TAF1B: variants seen among roughly 807,000 people sequenced by gnomAD.
The protein encoded by TAF1B is TATA box-binding protein-associated factor RNA polymerase I subunit B.
TAF1B carries 61 observed loss-of-function variants against 83.9 expected under a neutral mutation model. The ratio of observed to expected loss-of-function variants is 0.73; its 90% CI spans 0.59 to 0.90. TAF1B has a LOEUF of 0.90. TAF1B is among the 40% of genes least tolerant of loss of function. The pLI is 0.00. For missense variants in TAF1B, 625 were observed against 677.0 expected (o/e 0.92, Z 0.85); for synonymous variants, 221 against 224.6 (o/e 0.98, Z 0.14).
In TAF1B at chr2:9,873,010, G is replaced by A. The variant is rs185449419; in HGVS notation, c.554-2855G>A. Among the ~76,000 whole-genome samples the A allele has an allele frequency of 3.9e-5, 6 of 152,252 alleles. No individual in the cohort carries two copies. In the East Asian group the frequency reaches 1.2e-3, roughly 29 times the overall value. ...TTACTTAATTAAACTTCTATTCCTG[G>A]CATTTAGGTTGTTCTAAATTTTTAT... On this transcript the variant is annotated intron_variant, in intron 6 of 14. Coordinates refer to ENST00000263663, the MANE Select transcript of TAF1B (RefSeq NM_005680.3).
At chr2:9,903,755 G>T (rs933120543) in intron 8 of TAF1B, among the ~76,000 whole-genome samples, 1 of 152,132 alleles carries the variant, frequency 6.6e-6, no homozygotes, top group African/African-American at 2.4e-5. Flanking sequence ...AAGGTGAGAG[G>T]GAGGTTGTGT....
intron 5 of TAF1B, among the ~76,000 whole-genome samples, chr2:9,856,750 A>G (rs768288481): frequency 1.3e-5 from 2 of 152,244 alleles, no homozygotes; most frequent in Admixed American, 6.5e-5. Context: ...GTGTAAAGCA[A>G]TATTAGCATC....
At chr2:9,853,873 C>T (rs569946322) in intron 4 of TAF1B, among the ~76,000 whole-genome samples, 8 of 152,234 alleles carry the variant, frequency 5.3e-5, no homozygotes, top group Admixed American at 2.0e-4. Context: ...GTACTCTGAT[C>T]CTTAATTTAC....
intron 5 of TAF1B, among the ~76,000 whole-genome samples, chr2:9,855,154 C>G (rs897416499): frequency 6.6e-6 from 1 of 152,182 alleles, no homozygotes; most frequent in Admixed American, 6.5e-5. Context: ...GCCACCACAC[C>G]TGGTTCATTT....
intron 9 of TAF1B, among the ~76,000 whole-genome samples, chr2:9,908,025 A>ATACTTTTTTTTTTT (rs1553291402): frequency 9.9e-6 from 1 of 100,934 alleles, no homozygotes; most frequent in African/African-American, 4.7e-5. Context: ...CAAGATCTTA[A>ATACTTTTTTTTTTT]TTCTTTTTTT....
intron 14 of TAF1B, among the ~76,000 whole-genome samples, chr2:9,926,403 A>G (rs558066819): frequency 1.3e-5 from 2 of 152,196 alleles, no homozygotes; most frequent in African/African-American, 4.8e-5. Context: ...TCTTCTTACA[A>G]TGTACTTACT....
rs185380105 is a variant in TAF1B, at chr2:9,929,660, C to T, written c.1566-4123C>T. Among the ~76,000 whole-genome samples the T allele has an allele frequency of 2.6e-5, 4 of 152,138 alleles. No individual in the cohort carries two copies. The East Asian group carries it at 5.8e-4, about 22-fold the overall frequency. On this transcript the variant is annotated intron_variant, in intron 14 of 14. Coordinates refer to ENST00000263663, the MANE Select transcript of TAF1B (RefSeq NM_005680.3). ...CTAAAATTCTCTTTTTTTGTTGTGT[C>T]TCTGCCAGGCTTTGGTATCAGGATG...
chr2:9,869,647 G>A (rs1032003442), intron 6 of TAF1B, among the ~76,000 whole-genome samples: 2 of 151,318 alleles, frequency 1.3e-5, no homozygotes, highest in South Asian at 2.1e-4. Context: ...AGGCTGAGGC[G>A]AGCAGATCAC....
chr2:9,861,796 G>A (rs576857601), intron 5 of TAF1B, among the ~76,000 whole-genome samples: 4 of 152,284 alleles, frequency 2.6e-5, no homozygotes, highest in Admixed American at 6.5e-5. Flanking sequence ...ACCAATATCC[G>A]CTGTTCTGCA....
intron 6 of TAF1B, among the ~76,000 whole-genome samples, chr2:9,874,118 G>A (rs1485825566): frequency 1.3e-5 from 2 of 152,142 alleles, no homozygotes; most frequent in African/African-American, 4.8e-5. Flanking sequence ...GAGGTTGAAT[G>A]GACTCATCGT....
chr2:9,893,452 G>A (rs1664929850), intron 8 of TAF1B, among the ~76,000 whole-genome samples: 1 of 152,202 alleles, frequency 6.6e-6, no homozygotes, highest in South Asian at 2.1e-4. Flanking sequence ...TAATGGTACA[G>A]TAAACCACTA....
intron 14 of TAF1B, among the ~76,000 whole-genome samples, chr2:9,926,050 C>A (rs10803707): frequency 0.51 from 77,489 of 150,990 alleles, 22,832 homozygotes; most frequent in Non-Finnish European, 0.68. Flanking sequence ...TATAAAGAAC[C>A]CCCCGTCTCT....
At chr2:9,913,329 C>G in intron 12 of TAF1B, 80 bp downstream of exon 12, 1 of 1,146,410 alleles carries the variant, frequency 8.7e-7, no homozygotes, top group South Asian at 1.3e-5. Flanking sequence ...GAAGCTTCAT[C>G]AGTATACACT....
At chr2:9,849,866 G>C (rs1233144934) in intron 3 of TAF1B, among the ~76,000 whole-genome samples, 2 of 152,132 alleles carry the variant, frequency 1.3e-5, no homozygotes, top group African/African-American at 4.8e-5. Flanking sequence ...ATTAACCATT[G>C]TTGAGAAGGA....
upstream of TAF1B, chr2:9,843,453 C>G (rs62621835): frequency 0.067 from 89,028 of 1,335,206 alleles, 3,215 homozygotes; most frequent in African/African-American, 0.17. Context: ...TCTCGCGTTT[C>G]CGGCCGGAAG....
intron 8 of TAF1B, among the ~76,000 whole-genome samples, chr2:9,887,222 T>C (rs1664706804): frequency 6.6e-6 from 1 of 152,206 alleles, no homozygotes; most frequent in Admixed American, 6.5e-5. Context: ...CTTCCTCTTT[T>C]AAGTTTTAAC....
intron 5 of TAF1B, among the ~76,000 whole-genome samples, chr2:9,860,163 C>G (rs1402317149): frequency 6.6e-6 from 1 of 152,176 alleles, no homozygotes; most frequent in Non-Finnish European, 1.5e-5. Context: ...CCCACTAGGT[C>G]CCTCCCTCCA....
chr2:9,905,526 T>C (rs11682339), intron 9 of TAF1B, among the ~76,000 whole-genome samples: 3,910 of 152,232 alleles, frequency 0.026, 177 homozygotes, highest in African/African-American at 0.089. Flanking sequence ...CAGTGAAACA[T>C]AGAATGTAAA....
chr2:9,854,542 T>C (rs1408387665), intron 5 of TAF1B, 121 bp downstream of exon 5: 2 of 690,354 alleles, frequency 2.9e-6, no homozygotes, highest in Non-Finnish European at 5.0e-6. Context: ...GATTTTCAGT[T>C]AAGAGGCTTC....
Sources: allele counts gnomAD v4.1 joint callset (sites outside exome capture counted in the v4.1 genomes callset), GRCh38; gene constraint gnomAD v4.1.1; transcripts MANE v1.5; gene names NCBI Gene and HGNC (gene_info 2026-07-23, HGNC 2026-07-21).